The following RALA variants were observed in gnomAD, a reference collection of about 807,000 sequenced individuals.
RALA encodes RAS like proto-oncogene A, also known as ras-related protein Ral-A.
RALA carries 5 observed loss-of-function variants against 24.0 expected under a neutral mutation model. The observed-to-expected ratio is 0.21, with a 90% CI of 0.11 to 0.44. RALA has a LOEUF of 0.44. Ranked by LOEUF, RALA falls within the 20% of genes least tolerant of loss-of-function variation. The probability of loss-of-function intolerance (pLI) is 0.99; values close to 1 mark genes in which losing one functional copy is unlikely to be tolerated. For synonymous variants in RALA, 77 were observed against 83.8 expected (o/e 0.92, Z 0.44); for missense variants, 95 against 241.2 (o/e 0.39, Z 4.01).
At chr7:39,624,325 T>C (rs896719755) in intron 1 of RALA, 1 of 150,116 alleles carries the variant, frequency 6.7e-6, no homozygotes, top group African/African-American at 2.4e-5. Context: ...TTTTTTTTTT[T>C]GCCAGTTAAA....
intron 3 of RALA, among the ~76,000 whole-genome samples, chr7:39,695,917 A>G (rs989250843): frequency 6.6e-6 from 1 of 152,218 alleles, no homozygotes; most frequent in African/African-American, 2.4e-5. Flanking sequence ...TAGATTAATA[A>G]TGAGCTAACA....
At chr7:39,687,063 G>A (rs879465107) in intron 2 of RALA, among the ~76,000 whole-genome samples, 2 of 151,896 alleles carry the variant, frequency 1.3e-5, no homozygotes, top group Non-Finnish European at 2.9e-5. Flanking sequence ...TTTTATTGGC[G>A]ATTCCTACCT....
intron 1 of RALA, among the ~76,000 whole-genome samples, chr7:39,677,240 TAGC>T (rs1792502906): frequency 6.6e-6 from 1 of 152,222 alleles, no homozygotes; most frequent in African/African-American, 2.4e-5. Context: ...ATCTTCTTTT[TAGC>T]CCTTTAAGAT....
intron 1 of RALA, among the ~76,000 whole-genome samples, chr7:39,681,706 C>G (rs1220626494): frequency 1.3e-5 from 2 of 152,144 alleles, no homozygotes; most frequent in Admixed American, 1.3e-4. Flanking sequence ...CTATCTTCAT[C>G]TTCTCCCTAA....
In RALA at chr7:39,705,255, T is replaced by C. The variant is rs148988350; in HGVS notation, c.499-868T>C. Among the ~76,000 whole-genome samples the C allele has an allele frequency of 6.3e-3, 957 of 152,304 alleles. 5 individuals are homozygous for C. Among genetic ancestry groups the C allele is most frequent in the Middle Eastern group, 0.02 (6 of 294 alleles). On this transcript the variant is annotated intron_variant, in intron 4 of 4. Transcript: ENST00000005257. ...AGGAAAGGCCACATCAGTCATGACA[T>C]ACACAGGCTTCTTTACTCACAGCAC... is the stretch of plus-strand genomic sequence containing the variant.
chr7:39,661,874 A>G (rs1179691078), intron 1 of RALA, among the ~76,000 whole-genome samples: 1 of 151,874 alleles, frequency 6.6e-6, no homozygotes, highest in African/African-American at 2.4e-5. Flanking sequence ...CTGCCTTAGC[A>G]GAAGTTCTCC....
chr7:39,648,376 C>G (rs1336342685), intron 1 of RALA, among the ~76,000 whole-genome samples: 3 of 151,522 alleles, frequency 2.0e-5, no homozygotes, highest in Non-Finnish European at 4.4e-5. Flanking sequence ...TTAATATATA[C>G]AGTTTGTTTT....
intron 1 of RALA, among the ~76,000 whole-genome samples, chr7:39,676,284 C>G (rs1792486690): frequency 6.6e-6 from 1 of 152,126 alleles, no homozygotes; most frequent in Non-Finnish European, 1.5e-5. Flanking sequence ...CGATCATAAG[C>G]CTTTAATGCA....
intron 1 of RALA, among the ~76,000 whole-genome samples, chr7:39,629,110 A>T (rs1017698186): frequency 1.3e-5 from 2 of 152,212 alleles, no homozygotes; most frequent in African/African-American, 4.8e-5. Context: ...TGTTGGAGAG[A>T]TACATCTTCA....
At chr7:39,643,763 A>G (rs1398960516) in intron 1 of RALA, among the ~76,000 whole-genome samples, 2 of 152,226 alleles carry the variant, frequency 1.3e-5, no homozygotes, top group Non-Finnish European at 2.9e-5. Context: ...AGGCTGAGGC[A>G]GGAGAACGGC....
At chr7:39,660,160 A>G (rs889284105) in intron 1 of RALA, among the ~76,000 whole-genome samples, 1 of 152,278 alleles carries the variant, frequency 6.6e-6, no homozygotes, top group African/African-American at 2.4e-5. Context: ...CCTGGCCAAT[A>G]TGGTGAAACC....
chr7:39,652,985 C>G (rs1232104696), intron 1 of RALA, among the ~76,000 whole-genome samples: 1 of 151,294 alleles, frequency 6.6e-6, no homozygotes, highest in Non-Finnish European at 1.5e-5. Flanking sequence ...AGGCTTGTCT[C>G]AAACTATTAT....
intron 4 of RALA, among the ~76,000 whole-genome samples, chr7:39,700,147 A>G (rs1325430421): frequency 6.6e-6 from 1 of 152,226 alleles, no homozygotes; most frequent in Non-Finnish European, 1.5e-5. Flanking sequence ...AAATAAAGGT[A>G]TAAGGCCGTT....
intron 1 of RALA, among the ~76,000 whole-genome samples, chr7:39,647,625 G>C (rs1791949267): frequency 6.6e-6 from 1 of 152,188 alleles, no homozygotes; most frequent in Admixed American, 6.5e-5. Flanking sequence ...ACCGCAAGGT[G>C]ATGGTATTAG....
intron 1 of RALA, 45 bp from the exon 2 acceptor site, chr7:39,686,586 A>G: frequency 2.7e-6 from 3 of 1,100,938 alleles, no homozygotes; most frequent in Non-Finnish European, 4.1e-6. Flanking sequence ...CTGGAATTCT[A>G]AAGAAGAATG....
rs1431581511 is a variant in RALA at position 39,707,631 on chromosome 7, T to C, written c.*1386T>C. On this transcript the variant is annotated 3_prime_UTR_variant, in exon 5 of 5. Coordinates refer to ENST00000005257, the MANE Select transcript of RALA (RefSeq NM_005402.4). ...TTTTTTTTCCTCTTTGCAGTGGGGC[T>C]AGGACAGTTGATTCAACAAAGTATT... 1 of 152,408 alleles carries C rather than the reference T, an allele frequency of 6.6e-6. No homozygotes were observed. Among genetic ancestry groups the C allele is most frequent in the Non-Finnish European group, 1.5e-5 (1 of 68,022 alleles). The allele number at this position is 152,408 out of a possible 1,614,324, so 9.4% of individuals were successfully genotyped here. A position where few individuals can be genotyped will look rare whatever the true frequency, so the allele number is the denominator to read the frequency against.
At chr7:39,663,795 G>A (rs1394405228) in intron 1 of RALA, among the ~76,000 whole-genome samples, 2 of 152,158 alleles carry the variant, frequency 1.3e-5, no homozygotes, top group African/African-American at 4.8e-5. Context: ...ATCTGTCCCT[G>A]GGTCTAACGA....
At chr7:39,668,983 G>A (rs538308282) in intron 1 of RALA, among the ~76,000 whole-genome samples, 9 of 151,750 alleles carry the variant, frequency 5.9e-5, no homozygotes, top group Middle Eastern at 3.4e-3. Flanking sequence ...GCATGGTGGC[G>A]GTTGCCTGTA....
chr7:39,631,600 T>G (rs530323475), intron 1 of RALA, among the ~76,000 whole-genome samples: 3 of 152,362 alleles, frequency 2.0e-5, no homozygotes, highest in Non-Finnish European at 4.4e-5. Flanking sequence ...TGCATTCTAC[T>G]TTTGTGTCTT....
Sources: gnomAD v4.1 joint callset for allele counts (sites outside exome capture counted in the v4.1 genomes callset) on GRCh38, gnomAD v4.1.1 for gene constraint, MANE v1.5 for transcripts, NCBI Gene and HGNC (gene_info 2026-07-23, HGNC 2026-07-21) for gene names.